Variants in CCZ1 observed in about 807,000 individuals in gnomAD.
CCZ1 encodes the protein CCZ1 vacuolar protein trafficking and biogenesis associated, also known as vacuolar fusion protein CCZ1 homolog.
In CCZ1, 19 loss-of-function variants were observed where a neutral mutation model predicts 57.8. That is an observed-to-expected ratio of 0.33 (90% CI 0.23 to 0.48). The LOEUF (loss-of-function observed/expected upper bound fraction) is 0.48, where lower values mean the gene tolerates loss of function less well. CCZ1 is among the 20% of genes least tolerant of loss of function. The pLI is 0.99. For synonymous variants in CCZ1, 81 were observed against 167.0 expected, an observed-to-expected ratio of 0.49 and a Z score of 3.97; for missense variants, 200 against 492.0, an observed-to-expected ratio of 0.41 and a Z score of 5.61.
rs62453581 is a variant in CCZ1 at position 5,904,296 on chromosome 7, G to C, written c.523-798G>C. On this transcript the variant is annotated intron_variant, in intron 6 of 14. Coordinates refer to ENST00000325974, the MANE Select transcript of CCZ1 (RefSeq NM_015622.6). The stretch of plus-strand genomic sequence containing the variant: ...AGACGGGGTTTTGTCATGTTGGCGA[G>C]GCTGGTCTCAAACTCCTGACCTCAA... Among the ~76,000 whole-genome samples the C allele has an allele frequency of 9.0e-3, 1,228 of 137,148 alleles. 24 individuals are homozygous for C. Among genetic ancestry groups the C allele is most frequent in the South Asian group, 0.044 (167 of 3,828 alleles). The allele number at this position is 137,148 out of a possible 152,430, so 90.0% of individuals were successfully genotyped here. A position where few individuals can be genotyped will look rare whatever the true frequency, so the allele number is the denominator to read the frequency against.
intron 7 of CCZ1, among the ~76,000 whole-genome samples, chr7:5,906,109 A>G (rs1435033433): frequency 1.4e-5 from 2 of 146,796 alleles, no homozygotes; most frequent in African/African-American, 2.5e-5. Flanking sequence ...TAAACCAGGA[A>G]ATTACCTGCT....
In CCZ1 at chr7:5,901,671, C is replaced by G. The variant is rs1401078264; in HGVS notation, c.405C>G (p.Ser135Arg). ...QEEELLDKVY[S>R]SVLRQCYSMY... Reference sequence around the variant, plus strand: ...CGCGTCTGCAGGACAAGGTTTATAGCTCGGTGCTGCGGCAGTGCTACAGCA... The same window carrying G: ...CGCGTCTGCAGGACAAGGTTTATAGGTCGGTGCTGCGGCAGTGCTACAGCA... Residue 135 changes from serine to arginine, a missense_variant, in exon 5 of 15, where the codon AGC becomes AGG. Ser to Arg is a moderately radical substitution (Grantham distance 110, BLOSUM62 -1). Transcript: ENST00000325974. 8.8e-6 allele frequency: 14 copies of G among 1,598,484 alleles called. 1 individual carries two copies. Among genetic ancestry groups the G allele is most frequent in the South Asian group, 4.5e-5 (4 of 88,312 alleles).
At chr7:5,904,284 T>C (rs2952942) in intron 6 of CCZ1, among the ~76,000 whole-genome samples, 46,020 of 134,572 alleles carry the variant, frequency 0.34, 8,640 homozygotes, top group Middle Eastern at 0.51. Context: ...CGGGGTTTTG[T>C]CATGTTGGCG....
chr7:5,908,029 G>T (rs1216870858), intron 7 of CCZ1, among the ~76,000 whole-genome samples: 1 of 142,318 alleles, frequency 7.0e-6, no homozygotes, highest in Non-Finnish European at 1.5e-5. Context: ...AATCACTTGA[G>T]CCTGGAAGTT....
At chr7:5,906,794 TAAAC>T (rs1236711317) in intron 7 of CCZ1, among the ~76,000 whole-genome samples, 1 of 150,882 alleles carries the variant, frequency 6.6e-6, no homozygotes, top group African/African-American at 2.5e-5. Flanking sequence ...ATCCAGTTAA[TAAAC>T]AACTTGGTGG....
At chr7:5,901,561 A>C (rs1781686574) in intron 4 of CCZ1, 96 bp from the exon 5 acceptor site, 3 of 1,498,644 alleles carry the variant, frequency 2.0e-6, no homozygotes, top group Admixed American at 2.1e-5. Context: ...TAAACATTAT[A>C]CTGTTTGGCC....
At chr7:5,908,463 G>T (rs560992157) in intron 7 of CCZ1, among the ~76,000 whole-genome samples, 1 of 148,234 alleles carries the variant, frequency 6.7e-6, no homozygotes, top group African/African-American at 2.5e-5. Context: ...ACTTCAACCT[G>T]CGCCTCCCAG....
In CCZ1 at chr7:5,900,395, G is replaced by C. The variant is rs770332495; in HGVS notation, c.218+14G>C. On this transcript the variant is annotated intron_variant, in intron 2 of 14. Transcript: ENST00000325974. Reference sequence around the variant, plus strand: ...ACAGTTTACAAGGTAATACCTCTAAGTGTGCTTTTAGCGTTCAGTGAATTC... The same window carrying C: ...ACAGTTTACAAGGTAATACCTCTAACTGTGCTTTTAGCGTTCAGTGAATTC... The C allele has an allele frequency of 2.6e-5, 40 of 1,553,122 alleles. 4 individuals carry two copies. The highest frequency in any genetic ancestry group is 3.2e-5 in the Non-Finnish European group (37 of 1,145,612).
chr7:5,899,623 C>T (rs1339112431), intron 1 of CCZ1, among the ~76,000 whole-genome samples: 2 of 140,196 alleles, frequency 1.4e-5, no homozygotes, highest in African/African-American at 5.4e-5. Flanking sequence ...AAAAGTGAGC[C>T]GGGCGTGGTG....
intron 1 of CCZ1, among the ~76,000 whole-genome samples, chr7:5,899,682 G>C (rs1781638291): frequency 6.8e-6 from 1 of 147,882 alleles, no homozygotes; most frequent in African/African-American, 2.5e-5. Context: ...CCAGAGGATC[G>C]CTTGAGCCCA....
intron 8 of CCZ1, 168 bp downstream of exon 8, chr7:5,910,284 GCT>G (rs1424182984): frequency 1.8e-6 from 1 of 550,848 alleles, no homozygotes; most frequent in Admixed American, 3.4e-5. Context: ...ACCACATGCA[GCT>G]CTCCTCCAGT....
At chr7:5,905,046 A>G in intron 6 of CCZ1, 48 bp from the exon 7 acceptor site, 1 of 1,518,934 alleles carries the variant, frequency 6.6e-7, no homozygotes, top group Non-Finnish European at 9.0e-7. Flanking sequence ...GGAGCATTAT[A>G]TTCAGTGTAC....
chr7:5,908,464 C>T lies in CCZ1; in HGVS notation c.699-1571C>T, dbSNP rs369814705. Among the ~76,000 whole-genome samples the T allele has an allele frequency of 6.8e-5, 10 of 148,094 alleles. 1 individual carries two copies. The highest frequency in any genetic ancestry group is 4.5e-4 in the East Asian group (2 of 4,488). On this transcript the variant is annotated intron_variant, in intron 7 of 14. Transcript: ENST00000325974. The stretch of plus-strand genomic sequence containing the variant: ...TGTGATCTCAGCTCACTTCAACCTG[C>T]GCCTCCCAGGTTCAAGCGATTCTCA...
At chr7:5,901,557 T>C in intron 4 of CCZ1, 100 bp from the exon 5 acceptor site, 1 of 1,494,890 alleles carries the variant, frequency 6.7e-7, no homozygotes, top group South Asian at 1.4e-5. Flanking sequence ...TTTATAAACA[T>C]TATACTGTTT....
intron 6 of CCZ1, among the ~76,000 whole-genome samples, chr7:5,903,173 C>T (rs2528319): frequency 0.14 from 20,410 of 148,244 alleles, 2,403 homozygotes; most frequent in Admixed American, 0.28. Context: ...GTAAGAGTTA[C>T]TGGCCTTGAC....
At chr7:5,907,483 C>A (rs918216614) in intron 7 of CCZ1, among the ~76,000 whole-genome samples, 4 of 148,164 alleles carry the variant, frequency 2.7e-5, no homozygotes, top group African/African-American at 1.0e-4. Context: ...AGATTCTGAT[C>A]TCTGGGACAG....
intron 8 of CCZ1, among the ~76,000 whole-genome samples, chr7:5,911,091 A>G (rs568026230): frequency 1.5e-4 from 23 of 149,052 alleles, no homozygotes; most frequent in African/African-American, 5.5e-4. Context: ...AGTGATCTTT[A>G]AAACAATCGA....
Position 5,902,896 on chromosome 7 carries a change from C to G in CCZ1, c.522+152C>G, listed in dbSNP as rs138176098. 6.4e-5 allele frequency: 66 copies of G among 1,027,664 alleles called. 1 individual carries two copies. The highest frequency in any genetic ancestry group is 8.4e-5 in the Non-Finnish European group (63 of 749,192). 63.7% of individuals were successfully genotyped at this position (1,027,664 alleles called of 1,614,324 possible). On this transcript the variant is annotated intron_variant, in intron 6 of 14. Transcript: ENST00000325974. Reference sequence around the variant, plus strand: ...ACAGACCGTCGCAAAACTGGAGCAGCGAGGAAACGCATGAGGCTTGTGCTC... The same window carrying G: ...ACAGACCGTCGCAAAACTGGAGCAGGGAGGAAACGCATGAGGCTTGTGCTC...
At chr7:5,907,359 G>T (rs2128611811) in intron 7 of CCZ1, among the ~76,000 whole-genome samples, 1 of 149,542 alleles carries the variant, frequency 6.7e-6, no homozygotes, top group Non-Finnish European at 1.5e-5. Context: ...GAAATGACAG[G>T]ACGTGCTTGC....
Sources: allele counts gnomAD v4.1 joint callset (sites outside exome capture counted in the v4.1 genomes callset), GRCh38; gene constraint gnomAD v4.1.1; transcripts MANE v1.5; gene names NCBI Gene and HGNC (gene_info 2026-07-23, HGNC 2026-07-21).